The following PTPRD variants were observed in gnomAD, a reference collection of about 807,000 sequenced individuals.
PTPRD encodes the protein protein tyrosine phosphatase receptor type D.
A neutral mutation model predicts 214.5 loss-of-function variants in PTPRD; 34 were observed. The ratio of observed to expected loss-of-function variants is 0.16; its 90% CI spans 0.12 to 0.21. PTPRD has a LOEUF of 0.21. Among genes scored for constraint, PTPRD ranks in the 10% least tolerant of loss-of-function variants. PTPRD has a pLI of 1.00. For synonymous variants in PTPRD, 1,128 were observed against 845.7 expected, an observed-to-expected ratio of 1.33 and a Z score of -5.79; for missense variants, 2,545 against 2,398.7, an observed-to-expected ratio of 1.06 and a Z score of -1.27.
At chr9:9,440,395 G>A (rs2087090898) in intron 8 of PTPRD, among the ~76,000 whole-genome samples, 1 of 152,100 alleles carries the variant, frequency 6.6e-6, no homozygotes. Flanking sequence ...ATTGTTAAAT[G>A]CAAAAGTGAA....
chr9:9,383,419 A>G (rs374730294), intron 9 of PTPRD, among the ~76,000 whole-genome samples: 4 of 152,180 alleles, frequency 2.6e-5, no homozygotes, highest in East Asian at 3.8e-4. Flanking sequence ...GAGAATTTGT[A>G]TAATGTGATT....
At chr9:10,164,179 A>T (rs1258651266) in intron 3 of PTPRD, among the ~76,000 whole-genome samples, 1 of 151,568 alleles carries the variant, frequency 6.6e-6, no homozygotes, top group Non-Finnish European at 1.5e-5. Flanking sequence ...TATAAAATAC[A>T]GAACAGAGAA....
intron 11 of PTPRD, among the ~76,000 whole-genome samples, chr9:8,948,022 T>TC (rs1491557647): frequency 5.6e-3 from 10 of 1,790 alleles, no homozygotes; most frequent in Admixed American, 0.024. Flanking sequence ...TCTCTCTCTC[T>TC]TTTTTTTTTT....
chr9:8,953,283 T>A (rs1253186060), intron 11 of PTPRD, among the ~76,000 whole-genome samples: 2 of 151,874 alleles, frequency 1.3e-5, no homozygotes, highest in Non-Finnish European at 2.9e-5. Flanking sequence ...TGGCTGTCCA[T>A]ATGCAGAAGA....
intron 7 of PTPRD, among the ~76,000 whole-genome samples, chr9:9,649,729 T>C (rs1410910468): frequency 6.6e-6 from 1 of 152,200 alleles, no homozygotes; most frequent in Non-Finnish European, 1.5e-5. Flanking sequence ...ATTTAACATG[T>C]TAACATACAA....
At chr9:8,820,438 A>C (rs558322917) in intron 11 of PTPRD, among the ~76,000 whole-genome samples, 1 of 152,156 alleles carries the variant, frequency 6.6e-6, no homozygotes, top group African/African-American at 2.4e-5. Context: ...ATATATTTAT[A>C]ATTTTAATAA....
chr9:10,266,559 G>A (rs1448850858), intron 3 of PTPRD, among the ~76,000 whole-genome samples: 1 of 152,092 alleles, frequency 6.6e-6, no homozygotes, highest in African/African-American at 2.4e-5. Flanking sequence ...TTAACTAATG[G>A]TATTATTTTT....
chr9:10,399,199 T>G (rs1455641158), intron 2 of PTPRD, among the ~76,000 whole-genome samples: 4 of 151,970 alleles, frequency 2.6e-5, no homozygotes, highest in Non-Finnish European at 5.9e-5. Context: ...ATTCCTAGAT[T>G]TGTAAATTAG....
chr9:8,665,552 C>A (rs1390516867), intron 12 of PTPRD, among the ~76,000 whole-genome samples: 1 of 152,184 alleles, frequency 6.6e-6, no homozygotes, highest in Non-Finnish European at 1.5e-5. Context: ...AATTAAAGAT[C>A]AATACAGATA....
intron 5 of PTPRD, among the ~76,000 whole-genome samples, chr9:9,919,029 G>A (rs1295889192): frequency 6.6e-6 from 1 of 152,102 alleles, no homozygotes; most frequent in Admixed American, 6.6e-5. Context: ...TGAGGAGATA[G>A]AATAACATCT....
At chr9:10,186,754 T>C (rs1284924854) in intron 3 of PTPRD, among the ~76,000 whole-genome samples, 2 of 152,142 alleles carry the variant, frequency 1.3e-5, no homozygotes, top group Non-Finnish European at 2.9e-5. Flanking sequence ...TGACAGAGCC[T>C]AGACTACTGT....
At chr9:9,157,700 C>T (rs12348447) in intron 10 of PTPRD, among the ~76,000 whole-genome samples, 44,560 of 152,082 alleles carry the variant, frequency 0.29, 7,094 homozygotes, top group Non-Finnish European at 0.36. Flanking sequence ...ATTTTCTTCC[C>T]TTTTCTTTTT....
intron 9 of PTPRD, among the ~76,000 whole-genome samples, chr9:9,205,403 T>A (rs1349236081): frequency 2.0e-5 from 3 of 152,178 alleles, no homozygotes; most frequent in African/African-American, 7.2e-5. Flanking sequence ...CATGATCATG[T>A]ATATCTAATT....
intron 9 of PTPRD, among the ~76,000 whole-genome samples, chr9:9,238,033 G>C (rs2099968046): frequency 6.6e-6 from 1 of 151,844 alleles, no homozygotes; most frequent in African/African-American, 2.4e-5. Flanking sequence ...CCTCCATTTG[G>C]TGAAGAGTAG....
At chr9:9,402,722 G>A (rs1480405982) in intron 8 of PTPRD, among the ~76,000 whole-genome samples, 1 of 87,142 alleles carries the variant, frequency 1.1e-5, no homozygotes, top group Non-Finnish European at 2.3e-5. Flanking sequence ...GAGCAAGTAT[G>A]TGAAAGACAT....
chr9:8,392,612 G>A (rs563688570), intron 36 of PTPRD, among the ~76,000 whole-genome samples: 1 of 152,258 alleles, frequency 6.6e-6, no homozygotes, highest in African/African-American at 2.4e-5. Flanking sequence ...TTAAGCCAAT[G>A]CTTTATGTCC....
At chr9:9,879,265 C>G in intron 5 of PTPRD, among the ~76,000 whole-genome samples, 1 of 152,124 alleles carries the variant, frequency 6.6e-6, no homozygotes, top group Non-Finnish European at 1.5e-5. Flanking sequence ...AATTCTGTGT[C>G]ATGAGGGGCT....
At chr9:8,859,010 G>T (rs1031509179) in intron 11 of PTPRD, among the ~76,000 whole-genome samples, 6 of 152,214 alleles carry the variant, frequency 3.9e-5, no homozygotes, top group East Asian at 1.9e-4. Flanking sequence ...AAAAAATGCT[G>T]GTCGCGCCCT....
intron 11 of PTPRD, among the ~76,000 whole-genome samples, chr9:8,908,384 A>C (rs927187133): frequency 2.3e-4 from 35 of 152,188 alleles, no homozygotes; most frequent in African/African-American, 8.0e-4. Flanking sequence ...AAAGAATTGA[A>C]ACCATTCAAA....
Sources: gnomAD v4.1 joint callset for allele counts (sites outside exome capture counted in the v4.1 genomes callset) on GRCh38, gnomAD v4.1.1 for gene constraint, MANE v1.5 for transcripts, NCBI Gene and HGNC (gene_info 2026-07-23, HGNC 2026-07-21) for gene names.